Variants in PI4K2B observed in about 807,000 individuals in gnomAD.
PI4K2B encodes phosphatidylinositol 4-kinase type 2 beta.
In PI4K2B, 46 loss-of-function variants were observed where a neutral mutation model predicts 56.6. The observed-to-expected ratio is 0.81, with a 90% confidence interval of 0.64 to 1.04. The LOEUF (loss-of-function observed/expected upper bound fraction) is 1.04, where lower values mean the gene tolerates loss of function less well. Among genes scored for constraint, PI4K2B ranks in the 50% least tolerant of loss-of-function variants. The pLI, the probability that PI4K2B is intolerant of heterozygous loss-of-function variation, is 0.00. For synonymous variants in PI4K2B, 211 were observed against 223.8 expected, an observed-to-expected ratio of 0.94 and a Z score of 0.51; for missense variants, 556 against 607.7, an observed-to-expected ratio of 0.91 and a Z score of 0.89.
At chr4:25,267,956 T>A in intron 7 of PI4K2B, 1 of 629,738 alleles carries the variant, frequency 1.6e-6, no homozygotes, top group Middle Eastern at 7.9e-4. Flanking sequence ...TGCGGTGATA[T>A]GCATCTGTAG....
At chr4:25,269,247 G>A (rs1320214452) in intron 9 of PI4K2B, 44 bp downstream of exon 9, 4 of 1,047,734 alleles carry the variant, frequency 3.8e-6, no homozygotes, top group Non-Finnish European at 5.9e-6. Flanking sequence ...AAATCTCTTT[G>A]AAACAGTAGT....
chr4:25,241,977 G>T (rs1259568949), intron 1 of PI4K2B, among the ~76,000 whole-genome samples: 3 of 152,100 alleles, frequency 2.0e-5, no homozygotes, highest in Non-Finnish European at 4.4e-5. Flanking sequence ...GAGTATAGAG[G>T]GGCCTGGCTA....
At position 25,256,221 on chromosome 4, in the gene PI4K2B, CT is replaced by C. The variant is rs539075154; in HGVS notation, c.625-321del. 3.1e-3 allele frequency among the ~76,000 whole-genome samples: 470 copies of C among 152,340 alleles called. 4 individuals carry two copies. The highest frequency in any genetic ancestry group is 0.011 in the African/African-American group (444 of 41,580). ...GCATGAGCCACTGCACCCAGCTAAC[CT>C]GGCATCCTTTCTAAATTTTTACTTG... On this transcript the variant is annotated intron_variant, in intron 3 of 9. Coordinates refer to ENST00000264864, the MANE Select transcript of PI4K2B (RefSeq NM_018323.4).
intron 1 of PI4K2B, 27 bp downstream of exon 1, chr4:25,234,458 C>G (rs1177608912): frequency 3.2e-6 from 4 of 1,254,550 alleles, no homozygotes; most frequent in East Asian, 6.3e-5. Flanking sequence ...CCCCACTCCC[C>G]GCGCCCCTCC....
At chr4:25,262,037 T>G (rs1223172615) in intron 6 of PI4K2B, among the ~76,000 whole-genome samples, 25 of 152,208 alleles carry the variant, frequency 1.6e-4, no homozygotes, top group Admixed American at 1.6e-3. Flanking sequence ...GGCTCATGCC[T>G]GTAATCACAG....
chr4:25,251,286 A>T (rs544265581), intron 1 of PI4K2B, among the ~76,000 whole-genome samples: 1 of 152,124 alleles, frequency 6.6e-6, no homozygotes, highest in Non-Finnish European at 1.5e-5. Context: ...AGGAAGCTAG[A>T]TCCTCTCCTG....
chr4:25,238,073 T>C (rs755639276), intron 1 of PI4K2B, among the ~76,000 whole-genome samples: 1 of 152,156 alleles, frequency 6.6e-6, no homozygotes, highest in Non-Finnish European at 1.5e-5. Flanking sequence ...CATGGTGGTT[T>C]ATAAATATGT....
At chr4:25,239,290 G>A (rs146326847) in intron 1 of PI4K2B, among the ~76,000 whole-genome samples, 3,425 of 152,280 alleles carry the variant, frequency 0.022, 51 homozygotes, top group Middle Eastern at 0.041. Flanking sequence ...CATGGAGCAG[G>A]GGGTGGCGCT....
chr4:25,236,498 A>G (rs1256876894), intron 1 of PI4K2B, among the ~76,000 whole-genome samples: 1 of 152,012 alleles, frequency 6.6e-6, no homozygotes, highest in African/African-American at 2.4e-5. Flanking sequence ...GGTTGCAGTG[A>G]GCAGAGATGG....
At chr4:25,270,625 T>C (rs313532) in intron 9 of PI4K2B, among the ~76,000 whole-genome samples, 125,994 of 152,026 alleles carry the variant, frequency 0.83, 52,297 homozygotes, top group Non-Finnish European at 0.84. Context: ...GGATTACAGG[T>C]GTGTGCCACC....
chr4:25,252,418 T>C lies in PI4K2B; in HGVS notation c.366T>C (p.Phe122=). The change falls in exon 2 of 10, where the codon TTT becomes TTC. Residue 122 remains phenylalanine (F), a synonymous_variant. Coordinates refer to ENST00000264864, the MANE Select transcript of PI4K2B (RefSeq NM_018323.4). ...AGCAAGCAATAGAAGTTGGAATTTT[T>C]CCAGAAAGAATCTCTCAAGGTTCAA... ...RAEQAIEVGI[F]PERISQGSSG... is the part of the protein sequence containing the mutation. 2 of 1,612,618 alleles carry C rather than the reference T, an allele frequency of 1.2e-6. No individual in the cohort carries two copies. The highest frequency in any genetic ancestry group is 1.7e-6 in the Non-Finnish European group (2 of 1,178,676).
At chr4:25,273,016 G>A (rs556287366) in intron 9 of PI4K2B, among the ~76,000 whole-genome samples, 2 of 152,178 alleles carry the variant, frequency 1.3e-5, no homozygotes, top group African/African-American at 4.8e-5. Flanking sequence ...AATGGTTTGT[G>A]CTTTCTACAG....
At position 25,240,933 on chromosome 4, in the gene PI4K2B, C is replaced by T. The variant is rs116602870; in HGVS notation, c.268+6502C>T. Among the ~76,000 whole-genome samples, 555 of 152,210 alleles carry T rather than the reference C, an allele frequency of 3.6e-3. 6 individuals are homozygous for T. Among genetic ancestry groups the T allele is most frequent in the African/African-American group, 0.013 (532 of 41,530 alleles). On this transcript the variant is annotated intron_variant, in intron 1 of 9. Transcript: ENST00000264864. Reference sequence around the variant, plus strand: ...TCTTCCTCTCTGTCTCTTTCTTTGACTTCCTGTCTCTTTCCTTCCTACTGG... The same window carrying T: ...TCTTCCTCTCTGTCTCTTTCTTTGATTTCCTGTCTCTTTCCTTCCTACTGG...
chr4:25,273,915 A>G (rs1717004279), intron 9 of PI4K2B, among the ~76,000 whole-genome samples: 1 of 152,136 alleles, frequency 6.6e-6, no homozygotes. Context: ...GGCTTGGCAA[A>G]TCTGAACTGC....
At chr4:25,266,302 G>T (rs971799187) in intron 7 of PI4K2B, among the ~76,000 whole-genome samples, 1 of 152,206 alleles carries the variant, frequency 6.6e-6, no homozygotes, top group Admixed American at 6.5e-5. Context: ...AAGTAGCTGA[G>T]ACTACAGGCA....
chr4:25,276,011 A>G (rs1384670840), intron 9 of PI4K2B, among the ~76,000 whole-genome samples: 1 of 152,200 alleles, frequency 6.6e-6, no homozygotes, highest in Non-Finnish European at 1.5e-5. Context: ...TATGAAGTTT[A>G]TTTATTAGTA....
At chr4:25,246,003 A>G (rs1416497696) in intron 1 of PI4K2B, among the ~76,000 whole-genome samples, 1 of 152,014 alleles carries the variant, frequency 6.6e-6, no homozygotes, top group Admixed American at 6.6e-5. Flanking sequence ...TCTTAAACGC[A>G]GTGTGTCCGG....
intron 7 of PI4K2B, among the ~76,000 whole-genome samples, chr4:25,265,646 G>A (rs1303739077): frequency 6.6e-6 from 1 of 152,078 alleles, no homozygotes; most frequent in East Asian, 1.9e-4. Flanking sequence ...TTCTACGTCA[G>A]CTTATTTTAA....
At position 25,269,639 on chromosome 4, in the gene PI4K2B, C is replaced by CA. The variant is rs201514191; in HGVS notation, c.1272+449dup. Reference sequence around the variant, plus strand: ...GAGCAACAAGAGCAAAACTCCATCTCAAAAAAAAAAAAAGAAATGAAGTTG... The same window carrying CA: ...GAGCAACAAGAGCAAAACTCCATCTCAAAAAAAAAAAAAAGAAATGAAGTTG... On this transcript the variant is annotated intron_variant, in intron 9 of 9. Coordinates refer to ENST00000264864, the MANE Select transcript of PI4K2B (RefSeq NM_018323.4). Among the ~76,000 whole-genome samples, 176 of 127,932 alleles carry CA rather than the reference C, an allele frequency of 1.4e-3. 2 individuals are homozygous for CA. The highest frequency in any genetic ancestry group is 3.2e-3 in the South Asian group (13 of 4,012). 83.9% of individuals were successfully genotyped at this position (127,932 alleles called of 152,430 possible). A position where few individuals can be genotyped will look rare whatever the true frequency, so the allele number is the denominator to read the frequency against.
Sources: gnomAD v4.1 joint callset for allele counts (sites outside exome capture counted in the v4.1 genomes callset) on GRCh38, gnomAD v4.1.1 for gene constraint, MANE v1.5 for transcripts, NCBI Gene and HGNC (gene_info 2026-07-23, HGNC 2026-07-21) for gene names.